MCOLN2: variants seen among roughly 807,000 people sequenced by gnomAD.
MCOLN2 encodes mucolipin-2.
In MCOLN2, 57 loss-of-function variants were observed where a neutral mutation model predicts 67.5. That is an observed-to-expected ratio of 0.84 (90% CI 0.68 to 1.05). The LOEUF (loss-of-function observed/expected upper bound fraction) is 1.05, where lower values mean the gene tolerates loss of function less well. Among genes scored for constraint, MCOLN2 ranks in the 50% least tolerant of loss-of-function variants. The pLI, the probability that MCOLN2 is intolerant of heterozygous loss-of-function variation, is 0.00. For synonymous variants in MCOLN2, 246 were observed against 233.3 expected, an observed-to-expected ratio of 1.05 and a Z score of -0.50; for missense variants, 620 against 678.8, an observed-to-expected ratio of 0.91 and a Z score of 0.96.
At chr1:84,995,724 C>T (rs2389793) in intron 1 of MCOLN2, among the ~76,000 whole-genome samples, 63,780 of 151,766 alleles carry the variant, frequency 0.42, 14,156 homozygotes, top group East Asian at 0.63. Flanking sequence ...TTCTGTATTT[C>T]GTGCCCCTTT....
intron 9 of MCOLN2, among the ~76,000 whole-genome samples, chr1:84,938,921 A>C (rs1180371500): frequency 6.6e-6 from 1 of 152,184 alleles, no homozygotes; most frequent in Admixed American, 6.5e-5. Flanking sequence ...GGTATGAAGT[A>C]GAAGACGGGA....
chr1:84,983,537 G>A (rs1301884810), intron 1 of MCOLN2, among the ~76,000 whole-genome samples: 1 of 152,024 alleles, frequency 6.6e-6, no homozygotes, highest in African/African-American at 2.4e-5. Flanking sequence ...CAAAGTGCTA[G>A]GATTACAGGT....
At chr1:84,943,066 T>C (rs1429551161) in intron 7 of MCOLN2, among the ~76,000 whole-genome samples, 3 of 152,210 alleles carry the variant, frequency 2.0e-5, no homozygotes, top group Non-Finnish European at 4.4e-5. Flanking sequence ...ATACAGCACC[T>C]GTGCTTAGTA....
At chr1:84,953,719 G>C (rs1427326168) in intron 4 of MCOLN2, among the ~76,000 whole-genome samples, 2 of 152,160 alleles carry the variant, frequency 1.3e-5, no homozygotes, top group East Asian at 1.9e-4. Flanking sequence ...ATTATGAGCT[G>C]TAAATGATAG....
chr1:84,947,343 T>C (rs1322311959), intron 6 of MCOLN2, among the ~76,000 whole-genome samples: 7 of 151,238 alleles, frequency 4.6e-5, no homozygotes, highest in Non-Finnish European at 1.0e-4. Flanking sequence ...ACCAAAATAA[T>C]GAATAAACAA....
intron 7 of MCOLN2, among the ~76,000 whole-genome samples, chr1:84,943,337 G>A (rs1460157299): frequency 6.6e-6 from 1 of 152,152 alleles, no homozygotes; most frequent in Non-Finnish European, 1.5e-5. Flanking sequence ...GACAAGAGAA[G>A]ACTATTCAGT....
Position 84,931,469 on chromosome 1 carries a change from C to T in MCOLN2, c.1435G>A (p.Val479Met). The T allele has an allele frequency of 6.2e-7, 1 of 1,613,692 alleles. No homozygotes were observed. Reference sequence around the variant, plus strand: ...AAATACAGACGACTGAACAGCCACACCAAGATGCTCTTCTGCTGGATTTGG... The same window carrying T: ...AAATACAGACGACTGAACAGCCACATCAAGATGCTCTTCTGCTGGATTTGG... ...FAQIQQKSILVWLFSRLYLYS... is the reference protein window; with the variant it reads ...FAQIQQKSILMWLFSRLYLYS... The change falls in exon 12 of 14, where the codon GTG becomes ATG. Residue 479 changes from valine (V) to methionine (M), a missense_variant. By Grantham distance (21) the Val-to-Met change is conservative. Transcript: ENST00000370608.
In MCOLN2 at chr1:84,994,065, T is replaced by C. The variant is rs145351019; in HGVS notation, c.77+2731A>G. On this transcript the variant is annotated intron_variant, in intron 1 of 13. Transcript: ENST00000370608. The stretch of plus-strand genomic sequence containing the variant: ...AACTTTTCAATGATCAGAGGTATTA[T>C]CAATGAGCAGTAATATTTTGAAAGA... 3.6e-3 allele frequency among the ~76,000 whole-genome samples: 545 copies of C among 152,368 alleles called. 1 individual carries two copies. The highest frequency in any genetic ancestry group is 0.012 in the African/African-American group (511 of 41,582).
intron 1 of MCOLN2, among the ~76,000 whole-genome samples, chr1:84,985,440 A>T (rs1027906474): frequency 1.3e-5 from 2 of 152,138 alleles, no homozygotes; most frequent in Admixed American, 6.5e-5. Flanking sequence ...CAATCCTATG[A>T]CTTTAAATAC....
At chr1:84,960,598 T>G (rs1230660151) in intron 2 of MCOLN2, among the ~76,000 whole-genome samples, 1 of 152,134 alleles carries the variant, frequency 6.6e-6, no homozygotes, top group African/African-American at 2.4e-5. Context: ...AGATAAGAAG[T>G]CCCACATCAT....
intron 11 of MCOLN2, among the ~76,000 whole-genome samples, chr1:84,936,204 C>T (rs1647419582): frequency 6.6e-6 from 1 of 151,984 alleles, no homozygotes; most frequent in African/African-American, 2.4e-5. Context: ...GGGCACCATG[C>T]CTAACAGACA....
At chr1:84,995,805 T>TAAA (rs35541746) in intron 1 of MCOLN2, among the ~76,000 whole-genome samples, 25,040 of 125,858 alleles carry the variant, frequency 0.2, 2,526 homozygotes, top group South Asian at 0.27. Flanking sequence ...CTCTATTTTT[T>TAAA]TAAAAAAAAA....
chr1:84,954,451 T>C (rs1648675149), intron 4 of MCOLN2, among the ~76,000 whole-genome samples: 1 of 152,228 alleles, frequency 6.6e-6, no homozygotes, highest in Admixed American at 6.5e-5. Context: ...TACCAGACAC[T>C]GTGCTGGACT....
Position 84,987,545 on chromosome 1 carries a change from G to GTATAT in MCOLN2, c.77+9250_77+9251insATATA, listed in dbSNP as rs1650638524. 7.1e-4 allele frequency among the ~76,000 whole-genome samples: 11 copies of GTATAT among 15,434 alleles called. 1 individual carries two copies. The highest frequency in any genetic ancestry group is 2.1e-3 in the African/African-American group (9 of 4,368). The allele number at this position is 15,434 out of a possible 152,430, so 10.1% of individuals were successfully genotyped here. ...ATATGTATACATCTATGTATACATA[G>GTATAT]ATGTATACATCTATGTATACATAGA... On this transcript the variant is annotated intron_variant, in intron 1 of 13. Coordinates refer to ENST00000370608, the MANE Select transcript of MCOLN2 (RefSeq NM_153259.4).
chr1:84,956,614 A>G (rs1451000932), intron 3 of MCOLN2, 30 bp from the exon 4 acceptor site: 3 of 1,547,842 alleles, frequency 1.9e-6, no homozygotes, highest in African/African-American at 2.8e-5. Context: ...TAAAAACCAC[A>G]TATGACCTTT....
chr1:84,941,062 T>C (rs1158691419), intron 7 of MCOLN2, 71 bp from the exon 8 acceptor site: 3 of 965,568 alleles, frequency 3.1e-6, no homozygotes, highest in Non-Finnish European at 4.7e-6. Context: ...AAAATGGCAG[T>C]GTGAAAAGAA....
Position 84,946,940 on chromosome 1 carries a change from T to C in MCOLN2, c.847+93A>G, listed in dbSNP as rs79065547. The C allele has an allele frequency of 0.014, 9,306 of 659,868 alleles. 682 individuals are homozygous for C. The African/African-American group carries it at 0.15, about 11-fold the overall frequency. 40.9% of individuals were successfully genotyped at this position (659,868 alleles called of 1,614,324 possible). Reference sequence around the variant, plus strand: ...GCTCGAGGCGGTTTTCTTCCTATTATCATGCAAACAAACCATTTAAATACC... The same window carrying C: ...GCTCGAGGCGGTTTTCTTCCTATTACCATGCAAACAAACCATTTAAATACC... On this transcript the variant is annotated intron_variant, in intron 7 of 13. Coordinates refer to ENST00000370608, the MANE Select transcript of MCOLN2 (RefSeq NM_153259.4).
At chr1:84,953,327 G>A (rs986172069) in intron 4 of MCOLN2, among the ~76,000 whole-genome samples, 14 of 152,106 alleles carry the variant, frequency 9.2e-5, no homozygotes, top group African/African-American at 3.1e-4. Flanking sequence ...CAAGGTGGGC[G>A]GATCATGAGG....
chr1:84,965,412 C>G, intron 2 of MCOLN2, 137 bp downstream of exon 2: 1 of 853,132 alleles, frequency 1.2e-6, no homozygotes, highest in Non-Finnish European at 1.8e-6. Flanking sequence ...CTAGCCTCTG[C>G]TCTCCAGAGT....
Sources: gnomAD v4.1 joint callset for allele counts (sites outside exome capture counted in the v4.1 genomes callset) on GRCh38, gnomAD v4.1.1 for gene constraint, MANE v1.5 for transcripts, NCBI Gene and HGNC (gene_info 2026-07-23, HGNC 2026-07-21) for gene names.